Variants in DIPK1C observed in about 807,000 individuals in gnomAD.
DIPK1C encodes familial non-conventional Alzheimer's dementia.
DIPK1C carries 33 observed loss-of-function variants against 28.0 expected under a neutral mutation model. The observed-to-expected ratio is 1.18, with a 90% CI of 0.89 to 1.58. The LOEUF (loss-of-function observed/expected upper bound fraction) is 1.58, where lower values mean the gene tolerates loss of function less well. DIPK1C is among the 40% of genes most tolerant of loss of function. DIPK1C has a pLI of 0.00. For synonymous variants in DIPK1C, 255 were observed against 248.8 expected, an observed-to-expected ratio of 1.02 and a Z score of -0.23; for missense variants, 569 against 568.5, an observed-to-expected ratio of 1.00 and a Z score of -0.01.
At position 74,435,065 on chromosome 18, in the gene DIPK1C, T is replaced by G. The variant is rs1403286521; in HGVS notation, c.*1436A>C. On this transcript the variant is annotated 3_prime_UTR_variant, in exon 4 of 4. Coordinates refer to ENST00000343998, the MANE Select transcript of DIPK1C (RefSeq NM_001044369.3). ...AGCGTGCCCTGAAGGGCAGAGTCAGTAAATGTGACCCCAAAGTCTGGAAGA... is the reference window on the plus strand; with the variant it reads ...AGCGTGCCCTGAAGGGCAGAGTCAGGAAATGTGACCCCAAAGTCTGGAAGA... 6.6e-6 allele frequency: 1 copy of G among 152,204 alleles called. No homozygotes were observed. The highest frequency in any genetic ancestry group is 2.4e-5 in the African/African-American group (1 of 41,444). 9.4% of individuals were successfully genotyped at this position (152,204 alleles called of 1,614,324 possible). A position where few individuals can be genotyped will look rare whatever the true frequency, so the allele number is the denominator to read the frequency against.
chr18:74,447,232 A>C lies in DIPK1C; in HGVS notation c.250T>G (p.Cys84Gly). Residue 84 changes from cysteine to glycine, a missense_variant, in exon 2 of 4, where the codon TGT becomes GGT. By Grantham distance (159) the Cys-to-Gly change is radical (BLOSUM62 -3). Coordinates refer to ENST00000343998, the MANE Select transcript of DIPK1C (RefSeq NM_001044369.3). The surrounding 1 kb of genome is among the most constrained non-coding windows in gnomAD (Gnocchi z 4.1). ...TGGAACAGCAGCTCTCCCGCCACAC[A>C]CAGGTCCTCGCAGAGGTCCCCGGCC... ...TLAGDLCEDL[C>G]VAGELLFQRC... 2 of 1,549,574 alleles carry C rather than the reference A, an allele frequency of 1.3e-6. No homozygotes were observed. The highest frequency in any genetic ancestry group is 1.7e-6 in the Non-Finnish European group (2 of 1,146,592).
chr18:74,440,196 G>A (rs910037544), intron 3 of DIPK1C, among the ~76,000 whole-genome samples: 2 of 151,996 alleles, frequency 1.3e-5, no homozygotes, highest in African/African-American at 4.8e-5. Flanking sequence ...CACCCACCTC[G>A]GCCTCCCAAA....
upstream of DIPK1C, among the ~76,000 whole-genome samples, chr18:74,461,304 T>C (rs1986612347): frequency 6.6e-6 from 1 of 151,960 alleles, no homozygotes; most frequent in African/African-American, 2.4e-5. Context: ...TCATGCCTCC[T>C]CTCTTTTCTT....
At chr18:74,459,971 C>G (rs1986592552), upstream of DIPK1C, among the ~76,000 whole-genome samples, 1 of 152,314 alleles carries the variant, frequency 6.6e-6, no homozygotes, top group Admixed American at 6.5e-5. Context: ...TCAGGCAGCC[C>G]AGGCCCCAAC....
chr18:74,457,046 C>T lies in DIPK1C; in HGVS notation c.198+16G>A, dbSNP rs956475061. 1.3e-5 allele frequency: 19 copies of T among 1,432,530 alleles called. No individual in the cohort carries two copies. The highest frequency in any genetic ancestry group is 1.6e-5 in the Non-Finnish European group (18 of 1,102,464). The allele number at this position is 1,432,530 out of a possible 1,614,324, so 88.7% of individuals were successfully genotyped here. ...CCCGGACGCGCGGCGCGGGGCAGAG[C>T]GGCGGCGGGACCTACCAGCGCGGCC... On this transcript the variant is annotated intron_variant, in intron 1 of 3. Transcript: ENST00000343998.
chr18:74,457,481 C>T (rs1410876156), upstream of DIPK1C, among the ~76,000 whole-genome samples: 3 of 152,070 alleles, frequency 2.0e-5, no homozygotes, highest in Non-Finnish European at 4.4e-5. Flanking sequence ...GTCCACTCGC[C>T]GCATCCCCTG....
chr18:74,456,640 A>G lies in DIPK1C; in HGVS notation c.198+422T>C, dbSNP rs564375323. 3.9e-5 allele frequency among the ~76,000 whole-genome samples: 6 copies of G among 152,208 alleles called. No individual in the cohort carries two copies. The East Asian group carries it at 9.7e-4, about 25-fold the overall frequency. On this transcript the variant is annotated intron_variant, in intron 1 of 3. Coordinates refer to ENST00000343998, the MANE Select transcript of DIPK1C (RefSeq NM_001044369.3). ...CGCGGGCTGGGCTGGAGCGCTGCGG[A>G]CCCGAGAGACAGAGGCGTGGCACCC... is the stretch of plus-strand genomic sequence containing the variant.
Position 74,447,125 on chromosome 18 carries a change from C to T in DIPK1C, c.357G>A (p.Glu119=), listed in dbSNP as rs1185974144. 1.3e-6 allele frequency: 2 copies of T among 1,550,584 alleles called. No individual in the cohort carries two copies. The highest frequency in any genetic ancestry group is 1.4e-5 in the African/African-American group (1 of 73,196). The change falls in exon 2 of 4, where the codon GAG becomes GAA. Residue 119 remains glutamate (E), a synonymous_variant. Transcript: ENST00000343998. The surrounding 1 kb of genome is among the most constrained non-coding windows in gnomAD (Gnocchi z 4.1). ...RGRPVVLKSK[E]EAFSSFPPLS... is the part of the protein sequence containing the mutation. ...GGGGCGGGAAGCTGGAGAAGGCCTC[C>T]TCCTTGGACTTGAGGACCACGGGCC... is the stretch of plus-strand genomic sequence containing the variant.
intron 3 of DIPK1C, among the ~76,000 whole-genome samples, chr18:74,439,347 A>G (rs1018213078): frequency 1.2e-4 from 18 of 152,184 alleles, no homozygotes; most frequent in Non-Finnish European, 2.4e-4. Flanking sequence ...CAGCCAGTTT[A>G]CCAGCACCGT....
At chr18:74,455,754 A>G (rs1188190900) in intron 1 of DIPK1C, among the ~76,000 whole-genome samples, 74 of 149,822 alleles carry the variant, frequency 4.9e-4, no homozygotes, top group Admixed American at 4.6e-3. Flanking sequence ...AAAAGAAAAA[A>G]AAAACCAAAC....
At chr18:74,456,863 G>T (rs1342951476) in intron 1 of DIPK1C, among the ~76,000 whole-genome samples, 199 bp downstream of exon 1, 1 of 152,126 alleles carries the variant, frequency 6.6e-6, no homozygotes, top group Non-Finnish European at 1.5e-5. Flanking sequence ...CCCCCAGCGC[G>T]CCCACAGAGC....
chr18:74,451,538 T>A (rs1334961217), intron 1 of DIPK1C, among the ~76,000 whole-genome samples: 1 of 152,082 alleles, frequency 6.6e-6, no homozygotes, highest in Non-Finnish European at 1.5e-5. Context: ...CCCCTGTGAA[T>A]TTGGAGGGCG....
intron 1 of DIPK1C, among the ~76,000 whole-genome samples, chr18:74,455,864 A>G (rs8083789): frequency 0.61 from 93,129 of 152,010 alleles, 28,943 homozygotes; most frequent in African/African-American, 0.71. Flanking sequence ...TGACACGATG[A>G]CACGCGTCAG....
intron 1 of DIPK1C, among the ~76,000 whole-genome samples, chr18:74,452,679 T>C (rs141838294): frequency 1.9e-4 from 29 of 151,764 alleles, no homozygotes; most frequent in African/African-American, 6.5e-4. Context: ...GGCTGGGAGG[T>C]AGAGGCTGCA....
chr18:74,441,675 C>G (rs183000619), intron 3 of DIPK1C, among the ~76,000 whole-genome samples: 1 of 152,098 alleles, frequency 6.6e-6, no homozygotes, highest in South Asian at 2.1e-4. Flanking sequence ...GTTGTAGATA[C>G]GTGGGGTGGA....
chr18:74,450,063 G>A (rs572839486), intron 1 of DIPK1C, among the ~76,000 whole-genome samples: 2 of 152,156 alleles, frequency 1.3e-5, no homozygotes, highest in Non-Finnish European at 1.5e-5. Context: ...AGGTGAGGAC[G>A]AATGATAAGG....
Position 74,436,480 on chromosome 18 carries a change from A to G in DIPK1C, c.*21T>C, listed in dbSNP as rs773459831. 9 of 1,565,470 alleles carry G rather than the reference A, an allele frequency of 5.7e-6. No homozygotes were observed. Among genetic ancestry groups the G allele is most frequent in the Admixed American group, 3.8e-5 (2 of 52,218 alleles). On this transcript the variant is annotated 3_prime_UTR_variant, in exon 4 of 4. Coordinates refer to ENST00000343998, the MANE Select transcript of DIPK1C (RefSeq NM_001044369.3). ...CCAAGGTCACTTTTCCTGTGTGAGC[A>G]TGTTTAAGGCCAGAGAGTGGCTACT...
At chr18:74,437,087 G>C (rs1356633371) in intron 3 of DIPK1C, among the ~76,000 whole-genome samples, 1 of 152,144 alleles carries the variant, frequency 6.6e-6, no homozygotes, top group Non-Finnish European at 1.5e-5. Context: ...AGAAGGAGTT[G>C]GTCCTTTGCA....
chr18:74,463,564 G>A, the DIPK1C span, among the ~76,000 whole-genome samples: 1 of 152,064 alleles, frequency 6.6e-6, no homozygotes, highest in Non-Finnish European at 1.5e-5. Flanking sequence ...ACTGATGCTT[G>A]ATGCTACTCC....
Sources: allele counts gnomAD v4.1 joint callset (sites outside exome capture counted in the v4.1 genomes callset), GRCh38; gene constraint gnomAD v4.1.1; non-coding constraint Gnocchi (gnomAD v3.1); transcripts MANE v1.5; gene names NCBI Gene and HGNC (gene_info 2026-07-23, HGNC 2026-07-21).